The following SMARCA5 variants were observed in gnomAD, a reference collection of about 807,000 sequenced individuals.
SMARCA5 encodes SWI/SNF-related matrix-associated actin-dependent regulator of chromatin subfamily A member 5.
In SMARCA5, 18 loss-of-function variants were observed where a neutral mutation model predicts 140.4. The ratio of observed to expected loss-of-function variants is 0.13; its 90% CI spans 0.09 to 0.19. The LOEUF is 0.19. Among genes scored for constraint, SMARCA5 ranks in the 10% least tolerant of loss-of-function variants. SMARCA5 has a pLI of 1.00. For missense variants in SMARCA5, 606 were observed against 1,276.8 expected (o/e 0.47, Z 8.01); for synonymous variants, 449 against 419.6 (o/e 1.07, Z -0.86).
In SMARCA5 at chr4:143,524,249, G is replaced by T. The variant is rs1406991734; in HGVS notation, c.420-118G>T. 3 of 589,576 alleles carry T rather than the reference G, an allele frequency of 5.1e-6. No individual in the cohort carries two copies. In the East Asian group the frequency reaches 8.6e-5, roughly 17 times the overall value. The allele number at this position is 589,576 out of a possible 1,614,324, so 36.5% of individuals were successfully genotyped here. ...TATTTTCTACTGTCCACTGGTTGAT[G>T]CCTGTTAAAAATTTAATTTTGTGGA... On this transcript the variant is annotated intron_variant, in intron 3 of 23. Coordinates refer to ENST00000283131, the MANE Select transcript of SMARCA5 (RefSeq NM_003601.4).
In SMARCA5 at chr4:143,543,839, G is replaced by T. The variant is rs1737474789; in HGVS notation, c.2053-14G>T. On this transcript the variant is annotated splice_polypyrimidine_tract_variant and intron_variant, in intron 15 of 23. Transcript: ENST00000283131. ...TTGCTGTGAATCTAAGAAGCTGATTGTTTTGTTCTCTAGACTGCAGAGATG... is the reference window on the plus strand; with the variant it reads ...TTGCTGTGAATCTAAGAAGCTGATTTTTTTGTTCTCTAGACTGCAGAGATG... The T allele has an allele frequency of 6.3e-7, 1 of 1,585,642 alleles. No individual in the cohort carries two copies. The highest frequency in any genetic ancestry group is 1.2e-5 in the South Asian group (1 of 84,666).
At position 143,554,996 on chromosome 4, in the gene SMARCA5, A is replaced by G. The variant is rs11100791; in HGVS notation, c.*1812A>G. ...GGCCCTGCCACCACTGTGTTTGGCC[A>G]AGTTCACAAATCTGTTTTAACCTGT... On this transcript the variant is annotated 3_prime_UTR_variant, in exon 24 of 24. Coordinates refer to ENST00000283131, the MANE Select transcript of SMARCA5 (RefSeq NM_003601.4). 253,875 of 465,430 alleles carry G rather than the reference A, an allele frequency of 0.55. 71,364 individuals carry two copies. Among genetic ancestry groups the G allele is most frequent in the Middle Eastern group, 0.61 (921 of 1,508 alleles). The allele number at this position is 465,430 out of a possible 1,614,324, so 28.8% of individuals were successfully genotyped here. A position where few individuals can be genotyped will look rare whatever the true frequency, so the allele number is the denominator to read the frequency against.
chr4:143,536,410 A>G, intron 10 of SMARCA5, 42 bp from the exon 11 acceptor site: 1 of 1,370,852 alleles, frequency 7.3e-7, no homozygotes, highest in Non-Finnish European at 1.0e-6. Flanking sequence ...GGATTGATCA[A>G]GGAACATTTG....
chr4:143,530,309 C>T, intron 8 of SMARCA5, 149 bp from the exon 9 acceptor site: 1 of 436,944 alleles, frequency 2.3e-6, no homozygotes, highest in Non-Finnish European at 4.1e-6. Flanking sequence ...GTAACAATGA[C>T]ACATGAAAAC....
chr4:143,547,858 T>C, intron 21 of SMARCA5, 70 bp from the exon 22 acceptor site: 1 of 936,790 alleles, frequency 1.1e-6, no homozygotes, highest in Non-Finnish European at 1.6e-6. Flanking sequence ...CTAATTATAC[T>C]AAAGCTGAGT....
chr4:143,533,426 T>C (rs2149820963), intron 9 of SMARCA5, among the ~76,000 whole-genome samples: 1 of 152,248 alleles, frequency 6.6e-6, no homozygotes, highest in Admixed American at 6.5e-5. Flanking sequence ...TACTTTTATA[T>C]TCTTTCCCTA....
At chr4:143,525,253 A>G (rs919969422) in intron 4 of SMARCA5, among the ~76,000 whole-genome samples, 198 bp from the exon 5 acceptor site, 4 of 152,142 alleles carry the variant, frequency 2.6e-5, no homozygotes, top group African/African-American at 9.7e-5. Context: ...TGTTTCCCGC[A>G]CTTGATTATC....
At chr4:143,539,657 C>T (rs1003672278) in intron 13 of SMARCA5, among the ~76,000 whole-genome samples, 2 of 151,886 alleles carry the variant, frequency 1.3e-5, no homozygotes, top group Admixed American at 6.6e-5. Context: ...CTGCCTCAGC[C>T]TCCCGAGTAG....
In SMARCA5 at chr4:143,525,666, G is replaced by T. The variant is rs540750828; in HGVS notation, c.621+115G>T. ...AGCAAATGGATCCTCTCAGAAACTA[G>T]TATAAGCAGCTTGCCTTAGTTGCAT... On this transcript the variant is annotated intron_variant, in intron 5 of 23. Coordinates refer to ENST00000283131, the MANE Select transcript of SMARCA5 (RefSeq NM_003601.4). 1.4e-3 allele frequency: 984 copies of T among 684,280 alleles called. 22 individuals carry two copies. The South Asian group carries it at 0.017, about 12-fold the overall frequency. 42.4% of individuals were successfully genotyped at this position (684,280 alleles called of 1,614,324 possible). A position where few individuals can be genotyped will look rare whatever the true frequency, so the allele number is the denominator to read the frequency against.
Position 143,538,783 on chromosome 4 carries a change from T to C in SMARCA5, c.1618-3T>C. 1 of 1,613,888 alleles carries C rather than the reference T, an allele frequency of 6.2e-7. No homozygotes were observed. Among genetic ancestry groups the C allele is most frequent in the Non-Finnish European group, 8.5e-7 (1 of 1,179,872 alleles). On this transcript the variant is annotated splice_polypyrimidine_tract_variant and splice_region_variant and intron_variant, in intron 12 of 23. Coordinates refer to ENST00000283131, the MANE Select transcript of SMARCA5 (RefSeq NM_003601.4). ...TTTGACAACCATTTTGTTTTATCCA[T>C]AGGACTCCATCAATGCATACAATGA... is the stretch of plus-strand genomic sequence containing the variant.
At chr4:143,551,221 C>G (rs1180130322) in intron 23 of SMARCA5, among the ~76,000 whole-genome samples, 2 of 152,092 alleles carry the variant, frequency 1.3e-5, no homozygotes, top group Non-Finnish European at 2.9e-5. Context: ...TGAGAATCAT[C>G]TGTTCAGATC....
rs781097194 is a variant in SMARCA5, at chr4:143,536,417, T to A, written c.1269-35T>A. 37 of 1,437,786 alleles carry A rather than the reference T, an allele frequency of 2.6e-5. No homozygotes were observed. In the South Asian group the frequency reaches 3.9e-4, roughly 15 times the overall value. The allele number at this position is 1,437,786 out of a possible 1,614,324, so 89.1% of individuals were successfully genotyped here. ...AGTGGCAGGGATTGATCAAGGAACA[T>A]TTGAGCTCTAAAAATGTTTTTCTTC... On this transcript the variant is annotated intron_variant, in intron 10 of 23. Transcript: ENST00000283131.
At position 143,538,728 on chromosome 4, in the gene SMARCA5, G is replaced by A; in HGVS notation, c.1617+17G>A. The A allele has an allele frequency of 1.9e-6, 3 of 1,613,784 alleles. No individual in the cohort carries two copies. Among genetic ancestry groups the A allele is most frequent in the Non-Finnish European group, 2.5e-6 (3 of 1,179,820 alleles). On this transcript the variant is annotated intron_variant, in intron 12 of 23. Coordinates refer to ENST00000283131, the MANE Select transcript of SMARCA5 (RefSeq NM_003601.4). ...GAGAGACAAGTGAGTAAAATTTGGG[G>A]AGGGAGATAAAAAAGAATCAGATAA... is the stretch of plus-strand genomic sequence containing the variant.
chr4:143,552,293 G>A (rs1470957831), intron 23 of SMARCA5, among the ~76,000 whole-genome samples: 1 of 151,976 alleles, frequency 6.6e-6, no homozygotes, highest in Non-Finnish European at 1.5e-5. Flanking sequence ...GTTTTTTGAT[G>A]GAGTCTTTAG....
intron 10 of SMARCA5, among the ~76,000 whole-genome samples, chr4:143,536,163 T>G (rs1174816422): frequency 1.3e-5 from 2 of 152,172 alleles, no homozygotes; most frequent in Non-Finnish European, 2.9e-5. Context: ...CTTAAAAATA[T>G]TATGTCTTAC....
At chr4:143,535,311 C>G (rs560122278) in intron 10 of SMARCA5, among the ~76,000 whole-genome samples, 1 of 152,110 alleles carries the variant, frequency 6.6e-6, no homozygotes, top group Non-Finnish European at 1.5e-5. Flanking sequence ...TTCATAAATA[C>G]TGGGTCAGTG....
chr4:143,552,354 CTTT>C, intron 23 of SMARCA5, among the ~76,000 whole-genome samples: 1 of 152,110 alleles, frequency 6.6e-6, no homozygotes, highest in South Asian at 2.1e-4. Context: ...AATTTGACTT[CTTT>C]GTTTCCGATT....
At chr4:143,539,019 C>T (rs1737372773) in intron 13 of SMARCA5, 81 bp downstream of exon 13, 1 of 1,217,066 alleles carries the variant, frequency 8.2e-7, no homozygotes, top group Non-Finnish European at 1.2e-6. Context: ...ATATCAGTGA[C>T]TTAACCCAAT....
rs780782809 is a variant in SMARCA5 at position 143,528,624 on chromosome 4, A to C, written c.999A>C (p.Leu333=). Residue 333 remains leucine, a synonymous_variant, in exon 8 of 24, where the codon CTA becomes CTC. Coordinates refer to ENST00000283131, the MANE Select transcript of SMARCA5 (RefSeq NM_003601.4). ...IVREFKTTNR[L]LLTGTPLQNN... is the part of the protein sequence containing the mutation. ...GGGAATTCAAGACTACAAATAGACT[A>C]TTATTAACTGGAACACCTCTTCAGA... is the stretch of plus-strand genomic sequence containing the variant. 3 of 1,613,214 alleles carry C rather than the reference A, an allele frequency of 1.9e-6. No homozygotes were observed. Among genetic ancestry groups the C allele is most frequent in the Non-Finnish European group, 2.5e-6 (3 of 1,179,306 alleles).
Sources: allele counts gnomAD v4.1 joint callset (sites outside exome capture counted in the v4.1 genomes callset), GRCh38; gene constraint gnomAD v4.1.1; transcripts MANE v1.5; gene names NCBI Gene and HGNC (gene_info 2026-07-23, HGNC 2026-07-21).